The following SLC37A1 variants were observed in gnomAD, a reference collection of about 807,000 sequenced individuals.
SLC37A1 encodes the protein glucose-6-phosphate exchanger SLC37A1.
In SLC37A1, 49 loss-of-function variants were observed where a neutral mutation model predicts 75.3. The observed-to-expected ratio is 0.65, with a 90% CI of 0.52 to 0.83. The LOEUF is 0.83. Among genes scored for constraint, SLC37A1 ranks in the 40% least tolerant of loss-of-function variants. The pLI is 0.00. For synonymous variants in SLC37A1, 268 were observed against 292.1 expected (o/e 0.92, Z 0.84); for missense variants, 566 against 695.0 (o/e 0.81, Z 2.09).
At chr21:42,561,213 A>G (rs2055819701) in intron 11 of SLC37A1, among the ~76,000 whole-genome samples, 1 of 152,258 alleles carries the variant, frequency 6.6e-6, no homozygotes, top group Non-Finnish European at 1.5e-5. Flanking sequence ...TCCAGTGCAC[A>G]GACGGCTGGG....
At chr21:42,553,770 A>G (rs2146942070) in intron 9 of SLC37A1, among the ~76,000 whole-genome samples, 1 of 152,194 alleles carries the variant, frequency 6.6e-6, no homozygotes, top group Non-Finnish European at 1.5e-5. Flanking sequence ...TTTCAAAACC[A>G]TTGAAACAAT....
chr21:42,521,808 AAACAT>A (rs1297834272), intron 2 of SLC37A1, among the ~76,000 whole-genome samples: 1 of 152,268 alleles, frequency 6.6e-6, no homozygotes, highest in East Asian at 1.9e-4. Flanking sequence ...TCATAAGTCT[AAACAT>A]AACACAAAAC....
chr21:42,566,219 G>A (rs985229076), intron 15 of SLC37A1, among the ~76,000 whole-genome samples: 7 of 152,220 alleles, frequency 4.6e-5, no homozygotes, highest in Non-Finnish European at 1.0e-4. Context: ...GCAGCAGCCT[G>A]CGACCTGCCA....
intron 11 of SLC37A1, among the ~76,000 whole-genome samples, chr21:42,560,050 T>C (rs1243712118): frequency 6.6e-6 from 1 of 151,946 alleles, no homozygotes; most frequent in African/African-American, 2.4e-5. Context: ...TCCTCGGTGG[T>C]GCTGCTGGCC....
intron 10 of SLC37A1, among the ~76,000 whole-genome samples, chr21:42,556,121 G>A (rs117851027): frequency 3.9e-5 from 6 of 152,360 alleles, no homozygotes; most frequent in Admixed American, 6.5e-5. Flanking sequence ...AAGCTGGGGG[G>A]CGGGGAGCAA....
rs1386993891 is a variant in SLC37A1 at position 42,513,997 on chromosome 21, C to G, written c.-899C>G. Reference sequence around the variant, plus strand: ...CCCCCGCCCGCACCTGCGGGGCAGCCGGCGCTCAGGCGCCGCAGCCGCTCA... The same window carrying G: ...CCCCCGCCCGCACCTGCGGGGCAGCGGGCGCTCAGGCGCCGCAGCCGCTCA... On this transcript the variant is annotated 5_prime_UTR_variant, in exon 1 of 20. Coordinates refer to ENST00000352133, the MANE Select transcript of SLC37A1 (RefSeq NM_001320537.2). 1 of 147,442 alleles carries G rather than the reference C, an allele frequency of 6.8e-6. No individual in the cohort carries two copies. Among genetic ancestry groups the G allele is most frequent in the Non-Finnish European group, 1.5e-5 (1 of 66,424 alleles). The allele number at this position is 147,442 out of a possible 1,614,324, so 9.1% of individuals were successfully genotyped here.
chr21:42,525,723 T>C (rs550781689), intron 2 of SLC37A1, 53 bp from the exon 3 acceptor site: 1 of 1,313,624 alleles, frequency 7.6e-7, no homozygotes, highest in Non-Finnish European at 1.1e-6. Flanking sequence ...TATGTATTCC[T>C]AACATAACTT....
intron 10 of SLC37A1, among the ~76,000 whole-genome samples, chr21:42,555,516 A>G (rs1227460952): frequency 1.3e-5 from 2 of 152,218 alleles, no homozygotes; most frequent in South Asian, 2.1e-4. Context: ...GGGTTCTTGG[A>G]TTTTAGGGAG....
At chr21:42,524,268 T>C (rs2054724381) in intron 2 of SLC37A1, among the ~76,000 whole-genome samples, 1 of 152,072 alleles carries the variant, frequency 6.6e-6, no homozygotes, top group Non-Finnish European at 1.5e-5. Flanking sequence ...CAAATACTTC[T>C]TTCTCCCAAC....
At position 42,554,058 on chromosome 21, in the gene SLC37A1, C is replaced by T; in HGVS notation, c.769-4C>T. The stretch of plus-strand genomic sequence containing the variant: ...CGCTCTAATGAAACTTTTTTTTTTA[C>T]CAGCACTCAAAAGGCTATGAGAATG... On this transcript the variant is annotated splice_polypyrimidine_tract_variant and splice_region_variant and intron_variant, in intron 9 of 19. Coordinates refer to ENST00000352133, the MANE Select transcript of SLC37A1 (RefSeq NM_001320537.2). 6.3e-7 allele frequency: 1 copy of T among 1,594,338 alleles called. No individual in the cohort carries two copies. The highest frequency in any genetic ancestry group is 8.5e-7 in the Non-Finnish European group (1 of 1,172,244).
At position 42,561,882 on chromosome 21, in the gene SLC37A1, C is replaced by T. The variant is rs149183870; in HGVS notation, c.982-196C>T. On this transcript the variant is annotated intron_variant, in intron 11 of 19. Coordinates refer to ENST00000352133, the MANE Select transcript of SLC37A1 (RefSeq NM_001320537.2). ...CCCTGGTGCCCCTGCTCGGGGTGAG[C>T]GCTCCACTGTTCCCGCGTCCTCACT... is the stretch of plus-strand genomic sequence containing the variant. 203 of 556,918 alleles carry T rather than the reference C, an allele frequency of 3.6e-4. No individual in the cohort carries two copies. In the East Asian group the frequency reaches 4.0e-3, roughly 11 times the overall value. 34.5% of individuals were successfully genotyped at this position (556,918 alleles called of 1,614,324 possible). A position where few individuals can be genotyped will look rare whatever the true frequency, so the allele number is the denominator to read the frequency against.
chr21:42,513,652 A>G, upstream of SLC37A1, among the ~76,000 whole-genome samples: 1 of 150,362 alleles, frequency 6.7e-6, no homozygotes, highest in Non-Finnish European at 1.5e-5. Context: ...GTTCGCCCGC[A>G]AAGGCCGGGC....
At chr21:42,562,037 C>T (rs1369817397) in intron 11 of SLC37A1, 41 bp from the exon 12 acceptor site, 1 of 1,516,758 alleles carries the variant, frequency 6.6e-7, no homozygotes, top group Non-Finnish European at 9.2e-7. Flanking sequence ...CACCTGCTGA[C>T]TCCACATTTG....
intron 2 of SLC37A1, among the ~76,000 whole-genome samples, chr21:42,504,440 A>G (rs2054366552): frequency 6.6e-6 from 1 of 152,200 alleles, no homozygotes; most frequent in Non-Finnish European, 1.5e-5. Flanking sequence ...ACATCGAGGT[A>G]TGTGTTTAGT....
intron 17 of SLC37A1, among the ~76,000 whole-genome samples, chr21:42,570,031 ACGGCC>A (rs1287491119): frequency 1.3e-5 from 2 of 149,484 alleles, no homozygotes; most frequent in Non-Finnish European, 3.0e-5. Flanking sequence ...CATGTGACAC[ACGGCC>A]TGATTCTGAG....
chr21:42,577,510 G>A (rs2056333550), intron 18 of SLC37A1, among the ~76,000 whole-genome samples: 1 of 152,158 alleles, frequency 6.6e-6, no homozygotes, highest in Admixed American at 6.5e-5. Context: ...AAAATGTAAG[G>A]TACAAGTGGG....
chr21:42,567,260 A>G (rs1449152671), intron 16 of SLC37A1, among the ~76,000 whole-genome samples: 3 of 152,226 alleles, frequency 2.0e-5, no homozygotes, highest in African/African-American at 4.8e-5. Flanking sequence ...GGTTGGTGCA[A>G]AACTCACCGT....
intron 1 of SLC37A1, among the ~76,000 whole-genome samples, chr21:42,501,807 GTGGATA>G (rs1291087060): frequency 1.3e-5 from 2 of 152,198 alleles, no homozygotes. Context: ...TTTCCTACTG[GTGGATA>G]TGTAAGGCTG....
chr21:42,577,869 A>G (rs1443725013), intron 18 of SLC37A1, among the ~76,000 whole-genome samples: 1 of 152,248 alleles, frequency 6.6e-6, no homozygotes, highest in Non-Finnish European at 1.5e-5. Context: ...ACTACACGAC[A>G]GGTAAATAAT....
Sources: gnomAD v4.1 joint callset for allele counts (sites outside exome capture counted in the v4.1 genomes callset) on GRCh38, gnomAD v4.1.1 for gene constraint, MANE v1.5 for transcripts, NCBI Gene and HGNC (gene_info 2026-07-23, HGNC 2026-07-21) for gene names.